KLHL1: variants seen among roughly 807,000 people sequenced by gnomAD.
KLHL1 encodes the protein kelch like family member 1.
Under a neutral mutation model 77.7 loss-of-function variants are expected in KLHL1, and 47 were observed. That is an observed-to-expected ratio of 0.60 (90% CI 0.48 to 0.77). The LOEUF (loss-of-function observed/expected upper bound fraction) is 0.77. Ranked by LOEUF, KLHL1 falls within the 30% of genes least tolerant of loss-of-function variation. The probability of loss-of-function intolerance (pLI) is 0.00; values close to 1 mark genes in which losing one functional copy is unlikely to be tolerated. For synonymous variants in KLHL1, 360 were observed against 325.2 expected (o/e 1.11, Z -1.15); for missense variants, 925 against 910.8 (o/e 1.02, Z -0.20).
chr13:69,845,883 C>T (rs557903169), intron 5 of KLHL1, among the ~76,000 whole-genome samples: 36 of 150,624 alleles, frequency 2.4e-4, no homozygotes, highest in East Asian at 2.0e-4. Context: ...TCAGAGATGT[C>T]GATATTTGAA....
intron 1 of KLHL1, among the ~76,000 whole-genome samples, chr13:70,082,186 G>C (rs367779049): frequency 3.7e-4 from 57 of 152,138 alleles, no homozygotes; most frequent in African/African-American, 1.3e-3. Flanking sequence ...CTGCAGAAAT[G>C]TGAGCCAATT....
intron 7 of KLHL1, among the ~76,000 whole-genome samples, chr13:69,745,479 A>G (rs1436588963): frequency 6.6e-6 from 1 of 151,892 alleles, no homozygotes; most frequent in Non-Finnish European, 1.5e-5. Context: ...TTGTCTTTTG[A>G]TGAAAAGGAG....
chr13:69,881,542 C>T (rs982622838), intron 5 of KLHL1, among the ~76,000 whole-genome samples: 1 of 152,090 alleles, frequency 6.6e-6, no homozygotes, highest in Non-Finnish European at 1.5e-5. Flanking sequence ...ACTTTACCAG[C>T]CAGAAACCCT....
At chr13:70,046,672 T>C (rs1886505212) in intron 1 of KLHL1, among the ~76,000 whole-genome samples, 1 of 152,028 alleles carries the variant, frequency 6.6e-6, no homozygotes. Flanking sequence ...TTTTTTGTTG[T>C]TGTTGTTTTG....
intron 7 of KLHL1, among the ~76,000 whole-genome samples, chr13:69,788,189 C>T (rs1228794811): frequency 1.3e-5 from 2 of 152,188 alleles, no homozygotes; most frequent in East Asian, 3.8e-4. Flanking sequence ...ATAAATCATG[C>T]TGCTATAAAG....
At chr13:69,730,518 C>T (rs1476713408) in intron 8 of KLHL1, among the ~76,000 whole-genome samples, 2 of 152,064 alleles carry the variant, frequency 1.3e-5, no homozygotes, top group African/African-American at 2.4e-5. Flanking sequence ...AAGTATTATG[C>T]TTTCCTCTAT....
chr13:70,050,637 AT>A (rs1040609038), intron 1 of KLHL1, among the ~76,000 whole-genome samples: 1 of 152,020 alleles, frequency 6.6e-6, no homozygotes, highest in African/African-American at 2.4e-5. Flanking sequence ...TTTGATTACA[AT>A]TTTTTTATAT....
chr13:69,959,159 C>A (rs1016375854), intron 3 of KLHL1, among the ~76,000 whole-genome samples: 5 of 152,012 alleles, frequency 3.3e-5, no homozygotes, highest in African/African-American at 1.2e-4. Context: ...ACAAGCAGAG[C>A]CAAATCTGGG....
chr13:69,772,437 A>AT (rs1205165987), intron 7 of KLHL1, among the ~76,000 whole-genome samples: 3 of 152,122 alleles, frequency 2.0e-5, no homozygotes, highest in Admixed American at 1.3e-4. Flanking sequence ...AAATTTGACA[A>AT]TTTTTTTCTA....
intron 7 of KLHL1, among the ~76,000 whole-genome samples, chr13:69,745,553 C>A (rs911928523): frequency 6.6e-6 from 1 of 151,474 alleles, no homozygotes; most frequent in African/African-American, 2.4e-5. Context: ...TTTTTTAAAG[C>A]AATAATGTTG....
intron 4 of KLHL1, among the ~76,000 whole-genome samples, chr13:69,886,751 G>T (rs1463524242): frequency 1.3e-5 from 2 of 152,062 alleles, no homozygotes; most frequent in Non-Finnish European, 2.9e-5. Context: ...GTTAACTCAA[G>T]AAATCTCTCT....
At chr13:69,820,931 C>A (rs191145962) in intron 6 of KLHL1, among the ~76,000 whole-genome samples, 1 of 152,266 alleles carries the variant, frequency 6.6e-6, no homozygotes. Flanking sequence ...ACTCTGTTTT[C>A]TTGGAAAGGG....
At chr13:69,892,486 T>C (rs1192307443) in intron 4 of KLHL1, among the ~76,000 whole-genome samples, 3 of 152,182 alleles carry the variant, frequency 2.0e-5, no homozygotes, top group African/African-American at 4.8e-5. Context: ...CTAGGACATG[T>C]TTCAGAAAAG....
intron 1 of KLHL1, among the ~76,000 whole-genome samples, chr13:69,997,609 T>C (rs1302158427): frequency 6.7e-6 from 1 of 150,148 alleles, no homozygotes; most frequent in Non-Finnish European, 1.5e-5. Context: ...TCTTCCAGAT[T>C]CATCTATGTT....
In KLHL1 at chr13:69,982,868, G is replaced by T. The variant is rs9572326; in HGVS notation, c.498-7066C>A. 2.6e-5 allele frequency among the ~76,000 whole-genome samples: 4 copies of T among 152,206 alleles called. No homozygotes were observed. The East Asian group carries it at 7.7e-4, about 29-fold the overall frequency. ...TTTCATATGGGAAATCCTAGCCAGA[G>T]CATTAGGCAAGAGAAGAAAGGACAT... On this transcript the variant is annotated intron_variant, in intron 1 of 10. Transcript: ENST00000377844.
At chr13:69,753,101 T>C (rs1593798070) in intron 7 of KLHL1, among the ~76,000 whole-genome samples, 1 of 152,164 alleles carries the variant, frequency 6.6e-6, no homozygotes, top group African/African-American at 2.4e-5. Context: ...CCTCCCATTT[T>C]GCCTTCATGG....
At chr13:70,024,008 C>CA (rs1041762912) in intron 1 of KLHL1, among the ~76,000 whole-genome samples, 1 of 151,582 alleles carries the variant, frequency 6.6e-6, no homozygotes, top group Non-Finnish European at 1.5e-5. Flanking sequence ...TGATGTCTGT[C>CA]AAAAATGTTT....
At position 70,103,657 on chromosome 13, in the gene KLHL1, G is replaced by T. The variant is rs561580246; in HGVS notation, c.497+3546C>A. 3.9e-4 allele frequency among the ~76,000 whole-genome samples: 60 copies of T among 152,126 alleles called. 1 individual carries two copies. Among genetic ancestry groups the T allele is most frequent in the Non-Finnish European group, 5.4e-4 (37 of 68,018 alleles). ...AGGAAAGATTTTCTAAGCAAAAGCAGCAATTCTTGAAAGAATAGTGAAATT... is the reference window on the plus strand; with the variant it reads ...AGGAAAGATTTTCTAAGCAAAAGCATCAATTCTTGAAAGAATAGTGAAATT... On this transcript the variant is annotated intron_variant, in intron 1 of 10. Transcript: ENST00000377844.
chr13:69,846,312 A>C (rs1412254612), intron 5 of KLHL1, among the ~76,000 whole-genome samples: 2 of 151,570 alleles, frequency 1.3e-5, no homozygotes, highest in Non-Finnish European at 3.0e-5. Context: ...TGATTAAATA[A>C]TAACTGATGC....
Sources: allele counts gnomAD v4.1 joint callset (sites outside exome capture counted in the v4.1 genomes callset), GRCh38; gene constraint gnomAD v4.1.1; transcripts MANE v1.5; gene names NCBI Gene and HGNC (gene_info 2026-07-23, HGNC 2026-07-21).